Variants in ZKSCAN8 observed in about 807,000 individuals in gnomAD.
The protein encoded by ZKSCAN8 is zinc finger with KRAB and SCAN domains 8.
In ZKSCAN8, 27 loss-of-function variants were observed where a neutral mutation model predicts 57.2. The observed-to-expected ratio is 0.47, with a 90% CI of 0.35 to 0.65. The LOEUF (loss-of-function observed/expected upper bound fraction) is 0.65, where lower values mean the gene tolerates loss of function less well. Among genes scored for constraint, ZKSCAN8 ranks in the 30% least tolerant of loss-of-function variants. ZKSCAN8 has a pLI of 0.01. For synonymous variants in ZKSCAN8, 214 were observed against 248.7 expected, an observed-to-expected ratio of 0.86 and a Z score of 1.31; for missense variants, 597 against 696.3, an observed-to-expected ratio of 0.86 and a Z score of 1.60.
rs529925409 is a variant in ZKSCAN8 at position 28,151,779 on chromosome 6, G to A, written c.560-66G>A. 132 of 1,288,980 alleles carry A rather than the reference G, an allele frequency of 1.0e-4. No homozygotes were observed. In the African/African-American group the frequency reaches 1.7e-3, roughly 17 times the overall value. The allele number at this position is 1,288,980 out of a possible 1,614,324, so 79.8% of individuals were successfully genotyped here. On this transcript the variant is annotated intron_variant, in intron 3 of 5. Coordinates refer to ENST00000330236, the MANE Select transcript of ZKSCAN8 (RefSeq NM_006298.4). ...CTGAAATAAAAATAATTTGGAATGGGTGAGTGCCAGCTCCCACAACCACAG... is the reference window on the plus strand; with the variant it reads ...CTGAAATAAAAATAATTTGGAATGGATGAGTGCCAGCTCCCACAACCACAG...
intron 3 of ZKSCAN8, among the ~76,000 whole-genome samples, chr6:28,151,344 C>A (rs749663202): frequency 6.6e-6 from 1 of 152,106 alleles, no homozygotes; most frequent in African/African-American, 2.4e-5. Context: ...ACACTTAATA[C>A]TTCTTGTCTA....
intron 1 of ZKSCAN8, among the ~76,000 whole-genome samples, chr6:28,146,155 C>A (rs951820193): frequency 1.3e-5 from 2 of 152,178 alleles, no homozygotes; most frequent in Non-Finnish European, 2.9e-5. Flanking sequence ...CTCACTCTTA[C>A]AAGAAATATA....
At position 28,159,398 on chromosome 6, in the gene ZKSCAN8, C is replaced by T. The variant is rs900566853; in HGVS notation, c.*5381C>T. The T allele has an allele frequency of 1.3e-5, 2 of 152,178 alleles. No homozygotes were observed. Among genetic ancestry groups the T allele is most frequent in the African/African-American group, 4.8e-5 (2 of 41,430 alleles). 9.4% of individuals were successfully genotyped at this position (152,178 alleles called of 1,614,324 possible). On this transcript the variant is annotated 3_prime_UTR_variant, in exon 6 of 6. Coordinates refer to ENST00000330236, the MANE Select transcript of ZKSCAN8 (RefSeq NM_006298.4). Reference sequence around the variant, plus strand: ...TAACTTTTACATTTGTATCTCTGCACCCCCGAGTGCCTAGTATAGTGCTGA... The same window carrying T: ...TAACTTTTACATTTGTATCTCTGCATCCCCGAGTGCCTAGTATAGTGCTGA...
In ZKSCAN8 at chr6:28,149,709, C is replaced by G. The variant is rs758654244; in HGVS notation, c.559+85C>G. On this transcript the variant is annotated intron_variant, in intron 3 of 5. Transcript: ENST00000330236. ...GATACCTATCTAGTTCCTGAAGAAC[C>G]AGGAACTAAAATCCTGTTTACAGAC... The G allele has an allele frequency of 1.3e-3, 1,946 of 1,510,278 alleles. 2 individuals are homozygous for G. Among genetic ancestry groups the G allele is most frequent in the Non-Finnish European group, 1.6e-3 (1,814 of 1,122,182 alleles). The allele number at this position is 1,510,278 out of a possible 1,614,324, so 93.6% of individuals were successfully genotyped here.
rs1173621577 is a variant in ZKSCAN8 at position 28,158,008 on chromosome 6, C to A, written c.*3991C>A. 6.6e-6 allele frequency: 1 copy of A among 152,054 alleles called. No homozygotes were observed. Among genetic ancestry groups the A allele is most frequent in the East Asian group, 1.9e-4 (1 of 5,186 alleles). The allele number at this position is 152,054 out of a possible 1,614,324, so 9.4% of individuals were successfully genotyped here. On this transcript the variant is annotated 3_prime_UTR_variant, in exon 6 of 6. Transcript: ENST00000330236. The stretch of plus-strand genomic sequence containing the variant: ...CAAACATATCTTTGATTTTTCAACC[C>A]CCCTTTTTCATTAATCTGTTCTTAA...
At chr6:28,149,144 G>T (rs1263287122) in intron 2 of ZKSCAN8, among the ~76,000 whole-genome samples, 2 of 152,092 alleles carry the variant, frequency 1.3e-5, no homozygotes, top group Admixed American at 1.3e-4. Context: ...CAGAAATCAG[G>T]CTTTCTAGTT....
intron 2 of ZKSCAN8, 125 bp from the exon 3 acceptor site, chr6:28,149,356 AGT>A: frequency 8.1e-7 from 1 of 1,235,312 alleles, no homozygotes. Flanking sequence ...GTCCCTAAGA[AGT>A]GAGGAAGATT....
rs1366449766 is a variant in ZKSCAN8 at position 28,155,236 on chromosome 6, T to C, written c.*1219T>C. ...GTGCACTCCATCTGTAATCCATGTC[T>C]ATAATCTACCAACAAAGATGTACTC... On this transcript the variant is annotated 3_prime_UTR_variant, in exon 6 of 6. Coordinates refer to ENST00000330236, the MANE Select transcript of ZKSCAN8 (RefSeq NM_006298.4). 6.6e-6 allele frequency: 1 copy of C among 152,216 alleles called. No individual in the cohort carries two copies. The highest frequency in any genetic ancestry group is 2.4e-5 in the African/African-American group (1 of 41,452). 9.4% of individuals were successfully genotyped at this position (152,216 alleles called of 1,614,324 possible).
At position 28,153,721 on chromosome 6, in the gene ZKSCAN8, C is replaced by G. The variant is rs1311192112; in HGVS notation, c.1441C>G (p.Gln481Glu). 1.2e-6 allele frequency: 2 copies of G among 1,612,986 alleles called. No homozygotes were observed. Among genetic ancestry groups the G allele is most frequent in the Non-Finnish European group, 1.7e-6 (2 of 1,179,722 alleles). ...FRRSSHLIGHQRSHTGEKPYK... is the reference protein window; with the variant it reads ...FRRSSHLIGHERSHTGEKPYK... ...GCGGAGCTCACATCTTATTGGTCAT[C>G]AGAGGAGCCACACTGGGGAGAAACC... The change falls in exon 6 of 6, where the codon CAG becomes GAG. Residue 481 changes from glutamine (Q) to glutamate (E), a missense_variant. Physicochemically the swap from Gln to Glu is conservative, Grantham distance 29. Coordinates refer to ENST00000330236, the MANE Select transcript of ZKSCAN8 (RefSeq NM_006298.4).
chr6:28,143,623 C>G (rs1197427389), intron 1 of ZKSCAN8, among the ~76,000 whole-genome samples: 1 of 151,936 alleles, frequency 6.6e-6, no homozygotes, highest in Admixed American at 6.6e-5. Context: ...GAGGATTGCT[C>G]AGTAATAGAT....
intron 3 of ZKSCAN8, among the ~76,000 whole-genome samples, chr6:28,150,187 G>C (rs895751787): frequency 6.6e-5 from 10 of 152,106 alleles, no homozygotes; most frequent in African/African-American, 2.4e-4. Context: ...CACACTTTGT[G>C]GTTAGTTGTC....
At position 28,144,899 on chromosome 6, in the gene ZKSCAN8, T is replaced by C. The variant is rs1412482682; in HGVS notation, c.-93+2870T>C. Among the ~76,000 whole-genome samples the C allele has an allele frequency of 6.6e-6, 1 of 151,724 alleles. No homozygotes were observed. The highest frequency in any genetic ancestry group is 6.6e-5 in the Admixed American group (1 of 15,260). ...AGTGAAACCCCATCTCTACTAAAAA[T>C]ACAAAAAATTAGCCGGGTGTGGTGG... On this transcript the variant is annotated intron_variant, in intron 1 of 5. Transcript: ENST00000330236. This position sits in a 1 kb window ranked among gnomAD's most constrained non-coding sequence, Gnocchi z 4.5.
At chr6:28,152,215 T>A in intron 4 of ZKSCAN8, 46 bp from the exon 5 acceptor site, 1 of 1,570,354 alleles carries the variant, frequency 6.4e-7, no homozygotes, top group Non-Finnish European at 8.6e-7. Flanking sequence ...AGGTTTGAGC[T>A]GTGGAACAGT....
In ZKSCAN8 at chr6:28,151,871, C is replaced by T. The variant is rs913186804; in HGVS notation, c.586C>T (p.Arg196Cys). ...RAMSTSQSPTRSQKGSSGDQE... is the reference protein window; with the variant it reads ...RAMSTSQSPTCSQKGSSGDQE... Reference sequence around the variant, plus strand: ...CATGTCTACTTCCCAGAGTCCTACTCGTTCCCAGAAAGGAAGTTCTGGAGA... The same window carrying T: ...CATGTCTACTTCCCAGAGTCCTACTTGTTCCCAGAAAGGAAGTTCTGGAGA... Residue 196 changes from arginine (R) to cysteine (C), a missense_variant, in exon 4 of 6, where the codon CGT becomes TGT. Physicochemically the swap from Arg to Cys is radical, Grantham distance 180 (BLOSUM62 -3). Coordinates refer to ENST00000330236, the MANE Select transcript of ZKSCAN8 (RefSeq NM_006298.4). 8.1e-6 allele frequency: 13 copies of T among 1,614,046 alleles called. No homozygotes were observed. Among genetic ancestry groups the T allele is most frequent in the South Asian group, 2.2e-5 (2 of 91,088 alleles).
intron 3 of ZKSCAN8, among the ~76,000 whole-genome samples, chr6:28,150,442 G>A (rs1469446484): frequency 6.6e-6 from 1 of 152,102 alleles, no homozygotes; most frequent in East Asian, 1.9e-4. Context: ...CCTATTATTG[G>A]TGGTGTTATC....
At chr6:28,142,544 T>A (rs1371820278) in intron 1 of ZKSCAN8, among the ~76,000 whole-genome samples, 5 of 147,308 alleles carry the variant, frequency 3.4e-5, no homozygotes, top group South Asian at 2.1e-4. Context: ...TTTTTTTTTT[T>A]AATTTCAGGG....
Position 28,151,958 on chromosome 6 carries a change from T to G in ZKSCAN8, c.651+22T>G, listed in dbSNP as rs752065974. On this transcript the variant is annotated intron_variant, in intron 4 of 5. Coordinates refer to ENST00000330236, the MANE Select transcript of ZKSCAN8 (RefSeq NM_006298.4). ...CCAGGTGAGTTGTGCTCCTTCTCAC[T>G]GAAACGCCATAGCTGTGCTTGTCAG... is the stretch of plus-strand genomic sequence containing the variant. The G allele has an allele frequency of 1.9e-6, 3 of 1,608,976 alleles. No homozygotes were observed. In the South Asian group the frequency reaches 3.3e-5, roughly 18 times the overall value.
In ZKSCAN8 at chr6:28,153,536, C is replaced by T. The variant is rs990145539; in HGVS notation, c.1256C>T (p.Ala419Val). Reference protein sequence around the residue: ...NQCGKAFSQSAGLILHQRIHS... With the variant: ...NQCGKAFSQSVGLILHQRIHS... ...TGTGGGAAGGCTTTCAGTCAGAGTGCGGGCCTTATTCTGCACCAGAGAATC... is the reference window on the plus strand; with the variant it reads ...TGTGGGAAGGCTTTCAGTCAGAGTGTGGGCCTTATTCTGCACCAGAGAATC... Residue 419 changes from alanine (A) to valine (V), a missense_variant, in exon 6 of 6, where the codon GCG (alanine) becomes GTG (valine). Transcript: ENST00000330236. The T allele has an allele frequency of 8.7e-6, 14 of 1,612,296 alleles. No homozygotes were observed. The highest frequency in any genetic ancestry group is 2.2e-5 in the East Asian group (1 of 44,882).
intron 1 of ZKSCAN8, among the ~76,000 whole-genome samples, chr6:28,142,718 T>C (rs776096876): frequency 5.3e-5 from 8 of 152,228 alleles, no homozygotes; most frequent in African/African-American, 9.6e-5. Context: ...TAAAAACATA[T>C]TTCTGTTGTT....
Sources: allele counts gnomAD v4.1 joint callset (sites outside exome capture counted in the v4.1 genomes callset), GRCh38; gene constraint gnomAD v4.1.1; non-coding constraint Gnocchi (gnomAD v3.1); transcripts MANE v1.5; gene names NCBI Gene and HGNC (gene_info 2026-07-23, HGNC 2026-07-21).